The following PAX1 variants were observed in gnomAD, a reference collection of about 807,000 sequenced individuals.
PAX1 encodes paired box 1.
Under a neutral mutation model 35.6 loss-of-function variants are expected in PAX1, and 18 were observed. That is an observed-to-expected ratio of 0.50 (90% CI 0.35 to 0.75). PAX1 has a LOEUF of 0.75. Ranked by LOEUF, PAX1 falls within the 30% of genes least tolerant of loss-of-function variation. PAX1 has a pLI of 0.01. For missense variants in PAX1, 760 were observed against 661.5 expected, an observed-to-expected ratio of 1.15 and a Z score of -1.63; for synonymous variants, 397 against 305.2, an observed-to-expected ratio of 1.30 and a Z score of -3.14.
At chr20:21,710,609 G>C (rs571761478) in intron 4 of PAX1, among the ~76,000 whole-genome samples, 223 of 139,332 alleles carry the variant, frequency 1.6e-3, no homozygotes, top group Non-Finnish European at 2.6e-3. Flanking sequence ...GGACAGGAGG[G>C]CCATCCTCCT....
chr20:21,706,394 T>A lies in PAX1; in HGVS notation c.287-44T>A, dbSNP rs773013493. The A allele has an allele frequency of 6.2e-6, 10 of 1,607,014 alleles. No individual in the cohort carries two copies. The African/African-American group carries it at 6.7e-5, about 11-fold the overall frequency. ...GGGGACCCTTGGCTAACCCGCCGGG[T>A]GTTTTCTCCCCCTCCGGCTCACTCT... On this transcript the variant is annotated intron_variant, in intron 1 of 4. Coordinates refer to ENST00000613128, the MANE Select transcript of PAX1 (RefSeq NM_001257096.2). This position sits in a 1 kb window ranked among gnomAD's most constrained non-coding sequence, Gnocchi z 5.3.
In PAX1 at chr20:21,708,545, C is replaced by T. The variant is rs752708079; in HGVS notation, c.917-13C>T. 4 of 1,613,296 alleles carry T rather than the reference C, an allele frequency of 2.5e-6. No homozygotes were observed. The highest frequency in any genetic ancestry group is 2.2e-5 in the South Asian group (2 of 91,058). ...TCGGAGGCACCTTTTAATCCGTCCT[C>T]TCTCTCCTGCAGGGGCCCTGGCTGG... On this transcript the variant is annotated splice_polypyrimidine_tract_variant and intron_variant, in intron 2 of 4. Coordinates refer to ENST00000613128, the MANE Select transcript of PAX1 (RefSeq NM_001257096.2).
At chr20:21,710,081 G>A (rs1477648482) in intron 4 of PAX1, among the ~76,000 whole-genome samples, 1 of 148,424 alleles carries the variant, frequency 6.7e-6, no homozygotes, top group Non-Finnish European at 1.5e-5. Context: ...GTGGGTGGTG[G>A]TGGTGGTGGG....
chr20:21,709,248 C>G lies in PAX1; in HGVS notation c.1086C>G (p.Gly362=). The change falls in exon 4 of 5, where the codon GGC becomes GGG. Residue 362 remains glycine (G), a synonymous_variant. Coordinates refer to ENST00000613128, the MANE Select transcript of PAX1 (RefSeq NM_001257096.2). ...CGGCCTCCACCCTCTCTGCCGTGGG[C>G]GGCTTTCTCCCCGCCTGCGCCTACC... The part of the protein sequence containing the change: ...TQSASTLSAV[G]GFLPACAYPA... 7 of 1,606,494 alleles carry G rather than the reference C, an allele frequency of 4.4e-6. No individual in the cohort carries two copies. The highest frequency in any genetic ancestry group is 5.9e-6 in the Non-Finnish European group (7 of 1,179,632).
rs1370881525 is a variant in PAX1, at chr20:21,706,073, C to A, written c.286+75C>A. ...GGGTCCGCCTGCCTCCCTTCCCTCT[C>A]GTCCGCTTTCCCTGGGCGACCCAGT... is the stretch of plus-strand genomic sequence containing the variant. On this transcript the variant is annotated intron_variant, in intron 1 of 4. Coordinates refer to ENST00000613128, the MANE Select transcript of PAX1 (RefSeq NM_001257096.2). The surrounding 1 kb of genome is among the most constrained non-coding windows in gnomAD (Gnocchi z 5.3). 2 of 1,240,928 alleles carry A rather than the reference C, an allele frequency of 1.6e-6. No individual in the cohort carries two copies. The highest frequency in any genetic ancestry group is 5.1e-5 in the East Asian group (2 of 39,122). The allele number at this position is 1,240,928 out of a possible 1,614,324, so 76.9% of individuals were successfully genotyped here.
intron 2 of PAX1, among the ~76,000 whole-genome samples, chr20:21,707,530 C>T (rs547457188): frequency 2.6e-5 from 4 of 152,176 alleles, no homozygotes; most frequent in Non-Finnish European, 5.9e-5. Flanking sequence ...GCCTACATCT[C>T]TAAGGTCCTG....
chr20:21,716,012 G>C lies in PAX1; in HGVS notation c.*1450G>C, dbSNP rs1985358993. On this transcript the variant is annotated 3_prime_UTR_variant, in exon 5 of 5. Transcript: ENST00000613128. ...GTGAGGTGAGCAAGTCTGTTTCTGA[G>C]CGCAGAGTGTTGAGTTCTTACTCCG... 6.6e-6 allele frequency: 1 copy of C among 152,272 alleles called. No homozygotes were observed. Among genetic ancestry groups the C allele is most frequent in the Admixed American group, 6.5e-5 (1 of 15,288 alleles). The allele number at this position is 152,272 out of a possible 1,614,324, so 9.4% of individuals were successfully genotyped here.
At chr20:21,709,843 G>T (rs1020182448) in intron 4 of PAX1, among the ~76,000 whole-genome samples, 2 of 151,996 alleles carry the variant, frequency 1.3e-5, no homozygotes. Flanking sequence ...CCTTTCTGTA[G>T]ACCTGTTCTG....
rs1388925522 is a variant in PAX1, at chr20:21,715,304, C to T, written c.*742C>T. 1 of 164,588 alleles carries T rather than the reference C, an allele frequency of 6.1e-6. No individual in the cohort carries two copies. The highest frequency in any genetic ancestry group is 1.7e-4 in the South Asian group (1 of 5,798). 10.2% of individuals were successfully genotyped at this position (164,588 alleles called of 1,614,324 possible). ...CCTTCACTCCTCTGAGCCCACCAGC[C>T]CTAATGGAGGGGGGCTCAAACCTAG... On this transcript the variant is annotated 3_prime_UTR_variant, in exon 5 of 5. Transcript: ENST00000613128.
chr20:21,706,917 T>C lies in PAX1; in HGVS notation c.766T>C (p.Tyr256His). ...CTACAACCACATCTACCAGTACCCC[T>C]ACCCCAGTCCCGTGTCGCCCACGGG... ...LPYNHIYQYP[Y>H]PSPVSPTGAK... Residue 256 changes from tyrosine (Y) to histidine (H), a missense_variant, in exon 2 of 5, where the codon TAC becomes CAC. Physicochemically the swap from Tyr to His is moderately conservative, Grantham distance 83. Around this residue, in one of 3 missense-constraint regions of PAX1, gnomAD observed 490 missense variants for 428.4 expected, o/e 1.14. Coordinates refer to ENST00000613128, the MANE Select transcript of PAX1 (RefSeq NM_001257096.2). This position sits in a 1 kb window ranked among gnomAD's most constrained non-coding sequence, Gnocchi z 5.3. 1 of 1,613,134 alleles carries C rather than the reference T, an allele frequency of 6.2e-7. No homozygotes were observed. The highest frequency in any genetic ancestry group is 8.5e-7 in the Non-Finnish European group (1 of 1,179,854).
chr20:21,718,411 A>G lies in PAX1; in HGVS notation c.*3849A>G, dbSNP rs1470548747. The G allele has an allele frequency of 6.6e-6, 1 of 152,226 alleles. No homozygotes were observed. The highest frequency in any genetic ancestry group is 2.4e-5 in the African/African-American group (1 of 41,450). 9.4% of individuals were successfully genotyped at this position (152,226 alleles called of 1,614,324 possible). ...AGTCTCTCTGGGCCAGGAAAGAGAC[A>G]TGGAGGCAGAGGGGTGCGGGAAAAC... On this transcript the variant is annotated 3_prime_UTR_variant, in exon 5 of 5. Coordinates refer to ENST00000613128, the MANE Select transcript of PAX1 (RefSeq NM_001257096.2).
chr20:21,709,388 C>T lies in PAX1; in HGVS notation c.1226C>T (p.Ala409Val). 1 of 1,555,818 alleles carries T rather than the reference C, an allele frequency of 6.4e-7. No individual in the cohort carries two copies. ...CTGGCGCCCCCCGGGGCCGGCGTAG[C>T]TGTGCATGGCGGGGAACTCGCGGCA... ...PPLAPPGAGV[A>V]VHGGELAAAM... The change falls in exon 4 of 5, where the codon GCT (alanine) becomes GTT (valine). Residue 409 changes from alanine to valine, a missense_variant. Transcript: ENST00000613128.
Position 21,716,925 on chromosome 20 carries a change from G to A in PAX1, c.*2363G>A, listed in dbSNP as rs1985388810. 6.6e-6 allele frequency: 1 copy of A among 152,146 alleles called. No individual in the cohort carries two copies. 9.4% of individuals were successfully genotyped at this position (152,146 alleles called of 1,614,324 possible). A position where few individuals can be genotyped will look rare whatever the true frequency, so the allele number is the denominator to read the frequency against. On this transcript the variant is annotated 3_prime_UTR_variant, in exon 5 of 5. Coordinates refer to ENST00000613128, the MANE Select transcript of PAX1 (RefSeq NM_001257096.2). Reference sequence around the variant, plus strand: ...GGAGGAAGACATCACATCCCTTTCTGAAGGAATGAGAAGAATCTATATGAC... The same window carrying A: ...GGAGGAAGACATCACATCCCTTTCTAAAGGAATGAGAAGAATCTATATGAC...
At position 21,705,745 on chromosome 20, in the gene PAX1, G is replaced by C. The variant is rs879096321; in HGVS notation, c.33G>C (p.Ala11=). ...TCACCCTGGGCCTGGGGTCGCGGGC[G>C]TGGAGAGTGTCCTGGGAGGGGGCAG... MKFTLGLGSR[A]WRVSWEGAAA... is the part of the protein sequence containing the mutation. Residue 11 remains alanine (A), a synonymous_variant, in exon 1 of 5, where the codon GCG becomes GCC. Transcript: ENST00000613128. 2.4e-6 allele frequency: 3 copies of C among 1,256,020 alleles called. No individual in the cohort carries two copies. The highest frequency in any genetic ancestry group is 4.0e-5 in the South Asian group (1 of 25,012). The allele number at this position is 1,256,020 out of a possible 1,614,324, so 77.8% of individuals were successfully genotyped here. A position where few individuals can be genotyped will look rare whatever the true frequency, so the allele number is the denominator to read the frequency against.
rs1428390589 is a variant in PAX1 at position 21,707,087 on chromosome 20, G to A, written c.916+20G>A. On this transcript the variant is annotated intron_variant, in intron 2 of 4. Transcript: ENST00000613128. Reference sequence around the variant, plus strand: ...AAACAGGTCAGTTGTGGCGGCCTCCGTAGCCTTCTATTAAGGGGCAGAACC... The same window carrying A: ...AAACAGGTCAGTTGTGGCGGCCTCCATAGCCTTCTATTAAGGGGCAGAACC... The A allele has an allele frequency of 5.0e-6, 8 of 1,612,856 alleles. No homozygotes were observed. The highest frequency in any genetic ancestry group is 1.1e-5 in the South Asian group (1 of 91,082).
At chr20:21,709,574 T>C in intron 4 of PAX1, 130 bp downstream of exon 4, 3 of 672,698 alleles carry the variant, frequency 4.5e-6, no homozygotes, top group Non-Finnish European at 7.3e-6. Flanking sequence ...ACCCTTCTTC[T>C]GGGTTAACCT....
Position 21,709,349 on chromosome 20 carries a change from C to T in PAX1, c.1187C>T (p.Ala396Val), listed in dbSNP as rs779219384. ...YLAPGPPWPP[A>V]QGPPLAPPGA... ...GCCCCGGGCCCGCCGTGGCCGCCTG[C>T]GCAAGGTCCTCCTCTGGCGCCCCCC... is the stretch of plus-strand genomic sequence containing the variant. Residue 396 changes from alanine to valine, a missense_variant, in exon 4 of 5, where the codon GCG becomes GTG. By Grantham distance (64) the Ala-to-Val change is moderately conservative (BLOSUM62 0). Coordinates refer to ENST00000613128, the MANE Select transcript of PAX1 (RefSeq NM_001257096.2). 6 of 1,597,708 alleles carry T rather than the reference C, an allele frequency of 3.8e-6. No homozygotes were observed. The Admixed American group carries it at 8.4e-5, about 22-fold the overall frequency.
chr20:21,709,459 G>C lies in PAX1; in HGVS notation c.1282+15G>C. 6.6e-7 allele frequency: 1 copy of C among 1,504,092 alleles called. No homozygotes were observed. Among genetic ancestry groups the C allele is most frequent in the Non-Finnish European group, 8.9e-7 (1 of 1,129,480 alleles). 93.2% of individuals were successfully genotyped at this position (1,504,092 alleles called of 1,614,324 possible). On this transcript the variant is annotated intron_variant, in intron 4 of 4. Transcript: ENST00000613128. ...CAGCCGAGAAGGTGAGGAGCGCAGG[G>C]AGTGGGGCGGGTGGATGCTGGAAGG...
At chr20:21,710,851 GA>G (rs1288237351) in intron 4 of PAX1, among the ~76,000 whole-genome samples, 1 of 152,136 alleles carries the variant, frequency 6.6e-6, no homozygotes, top group Non-Finnish European at 1.5e-5. Flanking sequence ...TCCAAATAAG[GA>G]AAATTTATAA....
Sources: gnomAD v4.1 joint callset for allele counts (sites outside exome capture counted in the v4.1 genomes callset) on GRCh38, gnomAD v4.1.1 for gene constraint, gnomAD v4.1.1 regional missense constraint, Gnocchi (gnomAD v3.1) non-coding constraint, MANE v1.5 for transcripts, NCBI Gene and HGNC (gene_info 2026-07-23, HGNC 2026-07-21) for gene names.